The following ACVR1 variants were observed in gnomAD, a reference collection of about 807,000 sequenced individuals.
ACVR1 encodes the protein activin A receptor type 1.
ACVR1 carries 38 observed loss-of-function variants against 57.1 expected under a neutral mutation model. The ratio of observed to expected loss-of-function variants is 0.67; its 90% CI spans 0.51 to 0.87. ACVR1 has a LOEUF of 0.87. Among genes scored for constraint, ACVR1 ranks in the 40% least tolerant of loss-of-function variants. The pLI is 0.00. For missense variants in ACVR1, 463 were observed against 638.2 expected, an observed-to-expected ratio of 0.73 and a Z score of 2.96; for synonymous variants, 212 against 228.1, an observed-to-expected ratio of 0.93 and a Z score of 0.63.
intron 1 of ACVR1, among the ~76,000 whole-genome samples, chr2:157,857,994 C>A (rs1480391874): frequency 2.0e-5 from 3 of 151,968 alleles, no homozygotes; most frequent in Non-Finnish European, 4.4e-5. Context: ...CATATTTATT[C>A]CCTAAGGTCC....
At chr2:157,811,415 T>G (rs1045499804) in intron 2 of ACVR1, among the ~76,000 whole-genome samples, 6 of 152,226 alleles carry the variant, frequency 3.9e-5, no homozygotes, top group Admixed American at 2.6e-4. Flanking sequence ...CATATGTTCT[T>G]TTCTTTTCAC....
At chr2:157,778,863 C>T (rs112597142) in intron 4 of ACVR1, among the ~76,000 whole-genome samples, 1 of 152,182 alleles carries the variant, frequency 6.6e-6, no homozygotes, top group Non-Finnish European at 1.5e-5. Context: ...TTCAGACATT[C>T]ATTCACTGAT....
intron 1 of ACVR1, among the ~76,000 whole-genome samples, chr2:157,857,087 A>T (rs1689559400): frequency 6.6e-6 from 1 of 152,126 alleles, no homozygotes; most frequent in African/African-American, 2.4e-5. Flanking sequence ...AGTCTCAGCT[A>T]TTCAGGAGGC....
At chr2:157,792,879 C>T (rs1050379923) in intron 3 of ACVR1, among the ~76,000 whole-genome samples, 1 of 152,124 alleles carries the variant, frequency 6.6e-6, no homozygotes, top group Non-Finnish European at 1.5e-5. Context: ...AAAGCCACCT[C>T]GCCTGTGTCT....
intron 1 of ACVR1, among the ~76,000 whole-genome samples, chr2:157,842,095 G>A (rs1225371310): frequency 6.6e-6 from 1 of 151,200 alleles, no homozygotes; most frequent in South Asian, 2.1e-4. Flanking sequence ...TGCTACTTTA[G>A]GGGGAGTCAT....
At chr2:157,848,095 G>A (rs1689178474) in intron 1 of ACVR1, among the ~76,000 whole-genome samples, 1 of 152,134 alleles carries the variant, frequency 6.6e-6, no homozygotes, top group Non-Finnish European at 1.5e-5. Flanking sequence ...AAGGACACTG[G>A]GGAAAACTAA....
chr2:157,826,744 A>AG (rs201762070), intron 1 of ACVR1: 1 of 112,934 alleles, frequency 8.9e-6, no homozygotes, highest in Non-Finnish European at 1.7e-5. Flanking sequence ...AGGAAAGGAA[A>AG]GGAAAGGAAA....
intron 2 of ACVR1, among the ~76,000 whole-genome samples, chr2:157,817,833 T>C (rs1163268354): frequency 6.6e-6 from 1 of 152,012 alleles, no homozygotes; most frequent in Non-Finnish European, 1.5e-5. Flanking sequence ...ACCCCGTCTC[T>C]ACTAATAATA....
intron 1 of ACVR1, among the ~76,000 whole-genome samples, chr2:157,869,134 C>T (rs1690033129): frequency 6.6e-6 from 1 of 152,192 alleles, no homozygotes; most frequent in Admixed American, 6.5e-5. Context: ...TAAGTGGCTC[C>T]TGCCACCATT....
chr2:157,819,208 A>C (rs1688064678), intron 1 of ACVR1, among the ~76,000 whole-genome samples: 1 of 152,042 alleles, frequency 6.6e-6, no homozygotes, highest in South Asian at 2.1e-4. Flanking sequence ...ACACAAAATC[A>C]AACAAAAATT....
At chr2:157,818,804 C>T (rs542501666) in intron 1 of ACVR1, among the ~76,000 whole-genome samples, 75 of 152,178 alleles carry the variant, frequency 4.9e-4, no homozygotes, top group African/African-American at 1.7e-3. Context: ...ATCGGCCGGG[C>T]GCGGTGGCTC....
chr2:157,756,973 T>TTATA (rs529691149), intron 9 of ACVR1, among the ~76,000 whole-genome samples: 2,035 of 143,100 alleles, frequency 0.014, 52 homozygotes, highest in African/African-American at 0.049. Flanking sequence ...TTATATATAT[T>TTATA]TATATATATA....
At chr2:157,838,972 T>C (rs1016570188) in intron 1 of ACVR1, among the ~76,000 whole-genome samples, 4 of 152,178 alleles carry the variant, frequency 2.6e-5, no homozygotes, top group African/African-American at 9.7e-5. Flanking sequence ...CCAATAACTA[T>C]ACTTAGGTTA....
At chr2:157,791,113 G>A (rs73966128) in intron 3 of ACVR1, among the ~76,000 whole-genome samples, 2,007 of 152,256 alleles carry the variant, frequency 0.013, 57 homozygotes, top group African/African-American at 0.045. Flanking sequence ...CCAGCTCCAT[G>A]TGGAATGCAG....
intron 2 of ACVR1, among the ~76,000 whole-genome samples, chr2:157,811,621 T>C (rs1231760460): frequency 1.3e-5 from 2 of 152,178 alleles, no homozygotes; most frequent in African/African-American, 2.4e-5. Context: ...GAATCACAGA[T>C]GTCATATCAT....
At chr2:157,831,405 T>C (rs571355986) in intron 1 of ACVR1, among the ~76,000 whole-genome samples, 1 of 152,354 alleles carries the variant, frequency 6.6e-6, no homozygotes, top group Admixed American at 6.5e-5. Flanking sequence ...AATCATTTCA[T>C]GTGTTCAAGC....
chr2:157,840,233 C>T (rs1350886038), intron 1 of ACVR1, among the ~76,000 whole-genome samples: 1 of 152,194 alleles, frequency 6.6e-6, no homozygotes, highest in Non-Finnish European at 1.5e-5. Context: ...AGCCCTGAGT[C>T]AACCCAGATC....
intron 1 of ACVR1, among the ~76,000 whole-genome samples, chr2:157,855,269 AGTGTGTGTGTGTGTGTGTGTGT>A (rs532193935): frequency 5.9e-5 from 5 of 85,178 alleles, no homozygotes; most frequent in African/African-American, 2.8e-4. Context: ...AAAAAAAAAA[AGTGTGTGTGTGTGTGTGTGTGT>A]GTGTGTGTGT....
intron 1 of ACVR1, among the ~76,000 whole-genome samples, chr2:157,845,105 T>C (rs539289684): frequency 1.3e-5 from 2 of 152,246 alleles, no homozygotes; most frequent in African/African-American, 4.8e-5. Flanking sequence ...AATAGTAAGA[T>C]AGAGATGATG....
Sources: gnomAD v4.1 joint callset for allele counts (sites outside exome capture counted in the v4.1 genomes callset) on GRCh38, gnomAD v4.1.1 for gene constraint, MANE v1.5 for transcripts, NCBI Gene and HGNC (gene_info 2026-07-23, HGNC 2026-07-21) for gene names.